KRT6B: variants seen among roughly 807,000 people sequenced by gnomAD.
The protein encoded by KRT6B is keratin 6B, also known as keratin, type II cytoskeletal 6B.
A neutral mutation model predicts 44.7 loss-of-function variants in KRT6B; 29 were observed. That is an observed-to-expected ratio of 0.65 (90% CI 0.48 to 0.88). The LOEUF (loss-of-function observed/expected upper bound fraction) is 0.88. Ranked by LOEUF, KRT6B falls within the 40% of genes least tolerant of loss-of-function variation. The pLI is 0.00. For missense variants in KRT6B, 600 were observed against 724.0 expected (o/e 0.83, Z 1.97); for synonymous variants, 213 against 296.0 (o/e 0.72, Z 2.88).
Position 52,449,994 on chromosome 12 carries a change from C to T in KRT6B, c.816+18G>A, listed in dbSNP as rs370653806. 1.0e-4 allele frequency: 163 copies of T among 1,614,008 alleles called. No individual in the cohort carries two copies. In the East Asian group the frequency reaches 2.4e-3, roughly 23 times the overall value. ...TCTCCTTCTAAATGAATTTGAACCC[C>T]TGGCTTCATCTGCTCACCTTCTTCA... On this transcript the variant is annotated intron_variant, in intron 3 of 8. Transcript: ENST00000252252.
At position 52,447,275 on chromosome 12, in the gene KRT6B, C is replaced by T. The variant is rs747053952; in HGVS notation, c.1610G>A (p.Gly537Asp). 2.5e-6 allele frequency: 4 copies of T among 1,613,988 alleles called. No homozygotes were observed. In the East Asian group the frequency reaches 8.9e-5, roughly 36 times the overall value. The change falls in exon 9 of 9, where the codon GGT becomes GAT. Residue 537 changes from glycine (G) to aspartate (D), a missense_variant. Transcript: ENST00000252252. The stretch of plus-strand genomic sequence containing the variant: ...GCCGCCTCCAACAGAGCTGAGGCCA[C>T]CCCCAGTGGCTCTGCCGCTGCTGGA... The part of the protein sequence containing the change: ...FSSSSGRATG[G>D]GLSSVGGGSS...
At position 52,449,569 on chromosome 12, in the gene KRT6B, C is replaced by A. The variant is rs781162204; in HGVS notation, c.977G>T (p.Arg326Leu). ...GATGATGCTGTCCAGGTCCAGGTTG[C>A]GGTTGTTGTCCATGGATAGCACCAC... ...TSVVLSMDNN[R>L]NLDLDSIIAE... Residue 326 changes from arginine to leucine, a missense_variant, in exon 5 of 9, where the codon CGC (arginine) becomes CTC (leucine). Physicochemically the swap from Arg to Leu is moderately radical, Grantham distance 102 (BLOSUM62 -2). This residue lies in a region of KRT6B where 479 missense variants were observed against 454.2 expected (regional missense o/e 1.05). Coordinates refer to ENST00000252252, the MANE Select transcript of KRT6B (RefSeq NM_005555.4). 2.5e-6 allele frequency: 4 copies of A among 1,614,168 alleles called. No homozygotes were observed. The highest frequency in any genetic ancestry group is 4.5e-5 in the East Asian group (2 of 44,882).
Position 52,447,468 on chromosome 12 carries a change from T to A in KRT6B, c.1460-43A>T, listed in dbSNP as rs199544617. The A allele has an allele frequency of 3.1e-6, 5 of 1,613,830 alleles. No individual in the cohort carries two copies. The African/African-American group carries it at 6.7e-5, about 22-fold the overall frequency. On this transcript the variant is annotated intron_variant, in intron 8 of 8. Coordinates refer to ENST00000252252, the MANE Select transcript of KRT6B (RefSeq NM_005555.4). ...CAAGGACACAAGAAGCCACAATGAG[T>A]TCATCCTGCCGGCCTGAGCCCAGTC... is the stretch of plus-strand genomic sequence containing the variant.
At position 52,452,061 on chromosome 12, in the gene KRT6B, G is replaced by C; in HGVS notation, c.18C>G (p.Thr6=). 6.2e-7 allele frequency: 1 copy of C among 1,614,142 alleles called. No individual in the cohort carries two copies. The highest frequency in any genetic ancestry group is 1.1e-5 in the South Asian group (1 of 91,082). ...GGCTGCTGCTGTGGCTCCTGATGGT[G>C]GTGGATGTGCTGGCCATGGTTCCAG... MASTS[T]TIRSHSSSRR... The change falls in exon 1 of 9, where the codon ACC becomes ACG. Residue 6 remains threonine, a synonymous_variant. Transcript: ENST00000252252.
chr12:52,449,754 T>A lies in KRT6B; in HGVS notation c.912+4A>T. On this transcript the variant is annotated splice_donor_region_variant and intron_variant, in intron 4 of 8. Coordinates refer to ENST00000252252, the MANE Select transcript of KRT6B (RefSeq NM_005555.4). ...GTAAACAGAAGGATGGTGGAGTTGC[T>A]TACTGCATCATACAAGGCTCTCAGG... 7 of 1,614,072 alleles carry A rather than the reference T, an allele frequency of 4.3e-6. No homozygotes were observed. Among genetic ancestry groups the A allele is most frequent in the Non-Finnish European group, 5.9e-6 (7 of 1,179,944 alleles).
chr12:52,447,089 G>A lies in KRT6B; in HGVS notation c.*101C>T. On this transcript the variant is annotated 3_prime_UTR_variant, in exon 9 of 9. Coordinates refer to ENST00000252252, the MANE Select transcript of KRT6B (RefSeq NM_005555.4). Reference sequence around the variant, plus strand: ...CATCCCAGCTCTACCCGGGAGGGCAGGGGAGACTGGAGGCCAGGGGAGGAC... The same window carrying A: ...CATCCCAGCTCTACCCGGGAGGGCAAGGGAGACTGGAGGCCAGGGGAGGAC... 2 of 1,479,342 alleles carry A rather than the reference G, an allele frequency of 1.4e-6. No homozygotes were observed. Among genetic ancestry groups the A allele is most frequent in the East Asian group, 2.3e-5 (1 of 44,090 alleles). The allele number at this position is 1,479,342 out of a possible 1,614,324, so 91.6% of individuals were successfully genotyped here.
intron 1 of KRT6B, 59 bp downstream of exon 1, chr12:52,451,480 G>T: frequency 1.2e-6 from 2 of 1,613,196 alleles, no homozygotes; most frequent in Non-Finnish European, 1.7e-6. Context: ...GCAGGAAGGT[G>T]TTGCTCTTCT....
chr12:52,449,374 T>C (rs1459617455), intron 5 of KRT6B, 95 bp downstream of exon 5: 1 of 1,565,474 alleles, frequency 6.4e-7, no homozygotes, highest in African/African-American at 1.4e-5. Context: ...GGACCCCAGC[T>C]TCCTGTCAGG....
Position 52,447,845 on chromosome 12 carries a change from T to G in KRT6B, c.1357A>C (p.Asn453His). 1 of 1,614,158 alleles carries G rather than the reference T, an allele frequency of 6.2e-7. No individual in the cohort carries two copies. Among genetic ancestry groups the G allele is most frequent in the Non-Finnish European group, 8.5e-7 (1 of 1,180,028 alleles). The change falls in exon 7 of 9, where the codon AAC becomes CAC. Residue 453 changes from asparagine to histidine, a missense_variant. Coordinates refer to ENST00000252252, the MANE Select transcript of KRT6B (RefSeq NM_005555.4). ...TCCACATCCAGGGCCAGCTTGACGT[T>G]CATCAGCTCCTGGTACTCCTTCAGC... ...RLLKEYQELM[N>H]VKLALDVEIA...
At position 52,447,149 on chromosome 12, in the gene KRT6B, G is replaced by C; in HGVS notation, c.*41C>G. 6.2e-7 allele frequency: 1 copy of C among 1,611,540 alleles called. No individual in the cohort carries two copies. Among genetic ancestry groups the C allele is most frequent in the African/African-American group, 1.3e-5 (1 of 74,986 alleles). ...GAGGAGAGGGCTCTGCTGCCAGAGAGGGGCCTGAGAGCTGTGGGACTGAGA... is the reference window on the plus strand; with the variant it reads ...GAGGAGAGGGCTCTGCTGCCAGAGACGGGCCTGAGAGCTGTGGGACTGAGA... On this transcript the variant is annotated 3_prime_UTR_variant, in exon 9 of 9. Coordinates refer to ENST00000252252, the MANE Select transcript of KRT6B (RefSeq NM_005555.4).
In KRT6B at chr12:52,452,030, C is replaced by T; in HGVS notation, c.49G>A (p.Gly17Ser). Residue 17 changes from glycine (G) to serine (S), a missense_variant, in exon 1 of 9, where the codon GGT becomes AGT. Gly to Ser is a moderately conservative substitution (Grantham distance 56). This residue lies in a region of KRT6B where 78 missense variants were observed against 97.5 expected (regional missense o/e 0.80). Coordinates refer to ENST00000252252, the MANE Select transcript of KRT6B (RefSeq NM_005555.4). ...AGCCTGGCTGAGTTGGCACTGAAACCCCGGCGGCTGCTGCTGTGGCTCCTG... is the reference window on the plus strand; with the variant it reads ...AGCCTGGCTGAGTTGGCACTGAAACTCCGGCGGCTGCTGCTGTGGCTCCTG... Reference protein sequence around the residue: ...TIRSHSSSRRGFSANSARLPG... With the variant: ...TIRSHSSSRRSFSANSARLPG... 1 of 1,613,974 alleles carries T rather than the reference C, an allele frequency of 6.2e-7. No individual in the cohort carries two copies. The highest frequency in any genetic ancestry group is 1.7e-4 in the Middle Eastern group (1 of 6,014).
rs1940320588 is a variant in KRT6B, at chr12:52,447,005, C to A, written c.*185G>T. 2.9e-6 allele frequency: 2 copies of A among 684,898 alleles called. No individual in the cohort carries two copies. Among genetic ancestry groups the A allele is most frequent in the Non-Finnish European group, 2.5e-6 (1 of 406,614 alleles). 42.4% of individuals were successfully genotyped at this position (684,898 alleles called of 1,614,324 possible). ...ATGTCTGAGTGCTGATAACTGTTGACTTGATGGTAAGCAACAGGAGCTCAG... is the reference window on the plus strand; with the variant it reads ...ATGTCTGAGTGCTGATAACTGTTGAATTGATGGTAAGCAACAGGAGCTCAG... On this transcript the variant is annotated 3_prime_UTR_variant, in exon 9 of 9. Transcript: ENST00000252252.
chr12:52,449,095 A>T, intron 5 of KRT6B, 128 bp from the exon 6 acceptor site: 3 of 1,496,474 alleles, frequency 2.0e-6, no homozygotes, highest in Non-Finnish European at 2.8e-6. Context: ...CTTGAGGAAA[A>T]GTTGATGTTA....
At position 52,447,239 on chromosome 12, in the gene KRT6B, A is replaced by G; in HGVS notation, c.1646T>C (p.Ile549Thr). Reference sequence around the variant, plus strand: ...GGAGGAGGAGGTGGTGGTGTACTTGATGGTGGAACTGCCGCCTCCAACAGA... The same window carrying G: ...GGAGGAGGAGGTGGTGGTGTACTTGGTGGTGGAACTGCCGCCTCCAACAGA... ...LSSVGGGSST[I>T]KYTTTSSSSR... The change falls in exon 9 of 9, where the codon ATC becomes ACC. Residue 549 changes from isoleucine to threonine, a missense_variant. Physicochemically the swap from Ile to Thr is moderately conservative, Grantham distance 89. Coordinates refer to ENST00000252252, the MANE Select transcript of KRT6B (RefSeq NM_005555.4). 1.2e-6 allele frequency: 2 copies of G among 1,613,976 alleles called. No individual in the cohort carries two copies. The highest frequency in any genetic ancestry group is 1.7e-6 in the Non-Finnish European group (2 of 1,179,898).
chr12:52,451,465 C>T, intron 1 of KRT6B, 74 bp downstream of exon 1: 1 of 1,613,158 alleles, frequency 6.2e-7, no homozygotes, highest in Non-Finnish European at 8.5e-7. Context: ...CCTAGGGTCT[C>T]TCCGGCAGGA....
At chr12:52,451,423 C>A (rs1940400690) in intron 1 of KRT6B, 116 bp downstream of exon 1, 6 of 1,597,850 alleles carry the variant, frequency 3.8e-6, no homozygotes, top group East Asian at 4.5e-5. Flanking sequence ...GCACTCTCTG[C>A]AGAGCTGGGC....
intron 2 of KRT6B, 90 bp from the exon 3 acceptor site, chr12:52,450,162 A>C (rs1940375129): frequency 1.2e-6 from 2 of 1,609,000 alleles, no homozygotes; most frequent in Non-Finnish European, 1.7e-6. Context: ...CCTGAATGGA[A>C]TATATTCTAA....
At chr12:52,448,260 G>A (rs2121514114) in intron 6 of KRT6B, among the ~76,000 whole-genome samples, 1 of 152,300 alleles carries the variant, frequency 6.6e-6, no homozygotes, top group African/African-American at 2.4e-5. Context: ...GTGGACACAA[G>A]ACCAAGGACA....
chr12:52,449,535 G>C lies in KRT6B; in HGVS notation c.1011C>G (p.Val337=), dbSNP rs760775348. The change falls in exon 5 of 9, where the codon GTC becomes GTG. Residue 337 remains valine (V), a synonymous_variant. Transcript: ENST00000252252. ...GAGCAATCTCCTCATATTGGGCCTT[G>C]ACCTCAGCGATGATGCTGTCCAGGT... ...NLDLDSIIAE[V]KAQYEEIAQR... 2.2e-5 allele frequency: 35 copies of C among 1,614,070 alleles called. No homozygotes were observed. The Admixed American group carries it at 5.2e-4, about 24-fold the overall frequency.
Sources: gnomAD v4.1 joint callset for allele counts (sites outside exome capture counted in the v4.1 genomes callset) on GRCh38, gnomAD v4.1.1 for gene constraint, gnomAD v4.1.1 regional missense constraint, MANE v1.5 for transcripts, NCBI Gene and HGNC (gene_info 2026-07-23, HGNC 2026-07-21) for gene names.